The following ERBB4 variants were observed in gnomAD, a reference collection of about 807,000 sequenced individuals.
The protein encoded by ERBB4 is erb-b2 receptor tyrosine kinase 4.
A neutral mutation model predicts 158.0 loss-of-function variants in ERBB4; 42 were observed. That is an observed-to-expected ratio of 0.27 (90% CI 0.21 to 0.34). The LOEUF (loss-of-function observed/expected upper bound fraction) is 0.34, where lower values mean the gene tolerates loss of function less well. Ranked by LOEUF, ERBB4 falls within the 10% of genes least tolerant of loss-of-function variation. The probability of loss-of-function intolerance (pLI) is 1.00; values close to 1 mark genes in which losing one functional copy is unlikely to be tolerated. For synonymous variants in ERBB4, 583 were observed against 558.7 expected (o/e 1.04, Z -0.61); for missense variants, 1,333 against 1,624.1 (o/e 0.82, Z 3.08).
intron 1 of ERBB4, among the ~76,000 whole-genome samples, chr2:212,372,070 T>C (rs899802807): frequency 6.6e-6 from 1 of 152,128 alleles, no homozygotes; most frequent in Non-Finnish European, 1.5e-5. Context: ...TTATTTACAA[T>C]GTTGAAGAGG....
At chr2:212,444,334 T>C (rs1193871055) in intron 1 of ERBB4, among the ~76,000 whole-genome samples, 1 of 152,172 alleles carries the variant, frequency 6.6e-6, no homozygotes, top group Non-Finnish European at 1.5e-5. Flanking sequence ...GTACACCTGG[T>C]TGTGCACCTT....
chr2:211,804,013 G>C (rs1039891424), intron 3 of ERBB4, among the ~76,000 whole-genome samples: 1 of 152,296 alleles, frequency 6.6e-6, no homozygotes, highest in Admixed American at 6.5e-5. Flanking sequence ...CAATGGAGTA[G>C]AATAAGCGTC....
At chr2:211,894,576 T>C (rs896633628) in intron 3 of ERBB4, among the ~76,000 whole-genome samples, 2 of 151,966 alleles carry the variant, frequency 1.3e-5, no homozygotes, top group Non-Finnish European at 2.9e-5. Flanking sequence ...AAAAAATTCA[T>C]TTCACTAAAC....
chr2:212,413,232 C>T (rs558289646), intron 1 of ERBB4, among the ~76,000 whole-genome samples: 8 of 150,238 alleles, frequency 5.3e-5, no homozygotes, highest in Non-Finnish European at 1.0e-4. Flanking sequence ...GTGATCCGCC[C>T]GACTCGGCCT....
chr2:211,454,590 T>C (rs1308233911), intron 20 of ERBB4, among the ~76,000 whole-genome samples: 3 of 152,188 alleles, frequency 2.0e-5, no homozygotes, highest in Non-Finnish European at 4.4e-5. Context: ...TTTAAGGTGA[T>C]GTGAGTTAAT....
intron 20 of ERBB4, among the ~76,000 whole-genome samples, chr2:211,475,915 G>C (rs550572904): frequency 3.0e-4 from 45 of 151,994 alleles, no homozygotes; most frequent in Middle Eastern, 6.8e-3. Flanking sequence ...TAGAGTAGTG[G>C]AAAACATAAA....
At chr2:211,638,461 T>C (rs148846367) in intron 16 of ERBB4, among the ~76,000 whole-genome samples, 2 of 152,312 alleles carry the variant, frequency 1.3e-5, no homozygotes, top group Non-Finnish European at 2.9e-5. Flanking sequence ...TCTTTTCTTT[T>C]TGAGCAAATG....
intron 20 of ERBB4, among the ~76,000 whole-genome samples, chr2:211,454,194 AATCT>A (rs2064322596): frequency 6.6e-6 from 1 of 152,198 alleles, no homozygotes; most frequent in South Asian, 2.1e-4. Flanking sequence ...CTTTTGCACC[AATCT>A]AATATTTGTA....
At chr2:211,861,339 G>GTTTTTTTTTTTT (rs1553648578) in intron 3 of ERBB4, among the ~76,000 whole-genome samples, 1 of 89,834 alleles carries the variant, frequency 1.1e-5, no homozygotes, top group Non-Finnish European at 2.1e-5. Flanking sequence ...TTTTTTTTTT[G>GTTTTTTTTTTTT]TTTTTTTTTT....
intron 2 of ERBB4, among the ~76,000 whole-genome samples, chr2:211,994,870 C>G (rs116687105): frequency 6.6e-6 from 1 of 152,194 alleles, no homozygotes; most frequent in Non-Finnish European, 1.5e-5. Flanking sequence ...CAAAAACACA[C>G]TCCCTAATGC....
intron 20 of ERBB4, among the ~76,000 whole-genome samples, chr2:211,455,183 TACAC>T (rs1318637356): frequency 6.6e-6 from 1 of 152,244 alleles, no homozygotes; most frequent in African/African-American, 2.4e-5. Context: ...AAAATGCTCT[TACAC>T]ACAGATGGCT....
intron 1 of ERBB4, among the ~76,000 whole-genome samples, chr2:212,533,144 CA>C (rs1318126767): frequency 6.6e-6 from 1 of 152,146 alleles, no homozygotes; most frequent in African/African-American, 2.4e-5. Context: ...CCCTCAAATA[CA>C]AATGCCTTTG....
chr2:212,199,632 T>A (rs2105899077), intron 1 of ERBB4, among the ~76,000 whole-genome samples: 1 of 152,332 alleles, frequency 6.6e-6, no homozygotes, highest in East Asian at 1.9e-4. Context: ...CTGGTTTATC[T>A]TGAGACCAGC....
At chr2:211,670,977 T>C (rs1205024821) in intron 14 of ERBB4, among the ~76,000 whole-genome samples, 2 of 152,140 alleles carry the variant, frequency 1.3e-5, no homozygotes, top group Non-Finnish European at 2.9e-5. Flanking sequence ...TAAGCGAACA[T>C]CAAGTTTTCA....
chr2:212,150,865 C>G (rs1330329131), intron 1 of ERBB4, among the ~76,000 whole-genome samples: 1 of 152,116 alleles, frequency 6.6e-6, no homozygotes, highest in African/African-American at 2.4e-5. Flanking sequence ...TGGCACTAAA[C>G]TCTGTTCATG....
intron 1 of ERBB4, among the ~76,000 whole-genome samples, chr2:212,478,185 C>A (rs569628196): frequency 6.6e-6 from 1 of 152,148 alleles, no homozygotes; most frequent in Non-Finnish European, 1.5e-5. Context: ...TTCAGAAAGT[C>A]TAATTTACCT....
At chr2:212,163,503 A>G (rs1327181008) in intron 1 of ERBB4, among the ~76,000 whole-genome samples, 1 of 152,052 alleles carries the variant, frequency 6.6e-6, no homozygotes, top group African/African-American at 2.4e-5. Context: ...TTTACTTTTA[A>G]AAATCTTAGA....
intron 2 of ERBB4, among the ~76,000 whole-genome samples, chr2:211,987,956 C>T (rs2081979527): frequency 6.6e-6 from 1 of 152,034 alleles, no homozygotes; most frequent in Admixed American, 6.6e-5. Context: ...AGAGCTATAC[C>T]TTTCTGTGAC....
intron 3 of ERBB4, among the ~76,000 whole-genome samples, chr2:211,934,272 A>G (rs1348028344): frequency 1.3e-5 from 2 of 152,024 alleles, no homozygotes; most frequent in Admixed American, 1.3e-4. Context: ...TATTTAAAAT[A>G]TATAGATCAA....
Sources: gnomAD v4.1 joint callset for allele counts (sites outside exome capture counted in the v4.1 genomes callset) on GRCh38, gnomAD v4.1.1 for gene constraint, MANE v1.5 for transcripts, NCBI Gene and HGNC (gene_info 2026-07-23, HGNC 2026-07-21) for gene names.